The following SPG11 variants were observed in gnomAD, a reference collection of about 807,000 sequenced individuals.
SPG11 encodes the protein SPG11 vesicle trafficking associated, spatacsin.
A neutral mutation model predicts 274.0 loss-of-function variants in SPG11; 222 were observed. The observed-to-expected ratio is 0.81, with a 90% CI of 0.73 to 0.91. SPG11 has a LOEUF of 0.91. Ranked by LOEUF, SPG11 falls within the 40% of genes least tolerant of loss-of-function variation. The pLI is 0.00. For synonymous variants in SPG11, 1,144 were observed against 1,039.7 expected (o/e 1.10, Z -1.93); for missense variants, 3,114 against 2,872.7 (o/e 1.08, Z -1.92).
intron 23 of SPG11, 165 bp from the exon 24 acceptor site, chr15:44,597,108 T>TTA: frequency 4.9e-6 from 3 of 609,604 alleles, no homozygotes; most frequent in Admixed American, 3.1e-5. Context: ...AAAAAGTAGA[T>TTA]TCTTTTTTTT....
Position 44,622,690 on chromosome 15 carries a change from C to A in SPG11, c.2316+38G>T, listed in dbSNP as rs774661029. ...CTTCCAAGTTTTTCACCCAGGCTTT[C>A]TAGAAAATGTATACTATGTAGTCTC... is the stretch of plus-strand genomic sequence containing the variant. On this transcript the variant is annotated intron_variant, in intron 12 of 39. Coordinates refer to ENST00000261866, the MANE Select transcript of SPG11 (RefSeq NM_025137.4). 8.6e-6 allele frequency: 13 copies of A among 1,519,076 alleles called. No homozygotes were observed. In the South Asian group the frequency reaches 1.5e-4, roughly 17 times the overall value. The allele number at this position is 1,519,076 out of a possible 1,614,324, so 94.1% of individuals were successfully genotyped here.
chr15:44,649,143 G>A, intron 6 of SPG11, 132 bp from the exon 7 acceptor site: 1 of 740,098 alleles, frequency 1.4e-6, no homozygotes, highest in South Asian at 1.8e-5. Context: ...TGGATATCAT[G>A]TACTATAATG....
intron 27 of SPG11, 39 bp from the exon 28 acceptor site, chr15:44,589,453 A>T (rs1567143128): frequency 6.2e-7 from 1 of 1,613,032 alleles, no homozygotes; most frequent in Non-Finnish European, 8.5e-7. Flanking sequence ...AAGCAGTTTC[A>T]TGAGAATAGC....
intron 1 of SPG11, among the ~76,000 whole-genome samples, chr15:44,662,067 T>C (rs1340031350): frequency 6.6e-6 from 1 of 152,188 alleles, no homozygotes; most frequent in Non-Finnish European, 1.5e-5. Context: ...CTTTGCCCCA[T>C]TCCTCTCTTT....
intron 30 of SPG11, among the ~76,000 whole-genome samples, chr15:44,576,510 G>A (rs917691024): frequency 2.0e-5 from 3 of 151,708 alleles, no homozygotes; most frequent in South Asian, 2.1e-4. Context: ...TTAGCTGGAC[G>A]TGGTGGCGGG....
At chr15:44,633,358 AAAAAGAAAG>A in intron 8 of SPG11, 138 bp downstream of exon 8, 1 of 354,302 alleles carries the variant, frequency 2.8e-6, no homozygotes, top group Admixed American at 4.7e-5. Flanking sequence ...AAAAAAAAAA[AAAAAGAAAG>A]TTTCCAAAAA....
intron 19 of SPG11, among the ~76,000 whole-genome samples, chr15:44,608,241 C>T (rs2083372091): frequency 1.3e-5 from 2 of 152,122 alleles, no homozygotes; most frequent in South Asian, 4.1e-4. Context: ...TTGCATTGTT[C>T]TTGCAGCCTT....
At chr15:44,597,127 T>TC in intron 23 of SPG11, 184 bp from the exon 24 acceptor site, 1 of 615,094 alleles carries the variant, frequency 1.6e-6, no homozygotes, top group South Asian at 2.0e-5. Context: ...TTTTTTTTTT[T>TC]TTTGAGACAG....
intron 30 of SPG11, among the ~76,000 whole-genome samples, chr15:44,577,240 T>G (rs558378258): frequency 6.6e-6 from 1 of 152,234 alleles, no homozygotes; most frequent in Non-Finnish European, 1.5e-5. Context: ...TGGTGGCTCA[T>G]GCCTGTAATC....
chr15:44,658,478 A>G (rs2085003936), intron 3 of SPG11, among the ~76,000 whole-genome samples: 1 of 150,140 alleles, frequency 6.7e-6, no homozygotes. Flanking sequence ...TTTTTTTTTA[A>G]GACAGAGTCT....
At chr15:44,598,985 C>A in intron 21 of SPG11, 149 bp from the exon 22 acceptor site, 2 of 783,112 alleles carry the variant, frequency 2.6e-6, no homozygotes, top group Non-Finnish European at 4.3e-6. Context: ...TGCACATACC[C>A]GTTTAGGTTC....
chr15:44,590,157 T>C (rs1423937598), intron 27 of SPG11, among the ~76,000 whole-genome samples: 2 of 152,226 alleles, frequency 1.3e-5, no homozygotes, highest in African/African-American at 4.8e-5. Flanking sequence ...TCCAGAGGAT[T>C]TTAAATTCAC....
At chr15:44,565,779 C>G in intron 38 of SPG11, 75 bp downstream of exon 38, 1 of 1,581,020 alleles carries the variant, frequency 6.3e-7, no homozygotes, top group South Asian at 1.1e-5. Flanking sequence ...TGAGACCTTA[C>G]CTCTGGGTTC....
intron 7 of SPG11, among the ~76,000 whole-genome samples, chr15:44,637,220 C>A (rs187656387): frequency 6.6e-6 from 1 of 152,140 alleles, no homozygotes; most frequent in Non-Finnish European, 1.5e-5. Context: ...AATGTACCAA[C>A]GTCTCATAGT....
In SPG11 at chr15:44,573,632, G is replaced by A. The variant is rs145602015; in HGVS notation, c.6120C>T (p.Ser2040=). The A allele has an allele frequency of 1.9e-6, 3 of 1,614,066 alleles. No homozygotes were observed. Among genetic ancestry groups the A allele is most frequent in the African/African-American group, 1.3e-5 (1 of 74,920 alleles). The stretch of plus-strand genomic sequence containing the variant: ...CAGTATCTGGCTTAAGGCCCTGTGT[G>A]CTGATGAAGGCCTGGGCTCGTTTGC... ...DRCKRAQAFI[S]TQGLKPDTVA... The change falls in exon 32 of 40, where the codon AGC becomes AGT. Residue 2040 remains serine, a synonymous_variant. Coordinates refer to ENST00000261866, the MANE Select transcript of SPG11 (RefSeq NM_025137.4).
In SPG11 at chr15:44,583,999, G is replaced by C. The variant is rs1236033583; in HGVS notation, c.5681C>G (p.Ala1894Gly). 6.2e-7 allele frequency: 1 copy of C among 1,614,080 alleles called. No homozygotes were observed. The highest frequency in any genetic ancestry group is 1.3e-5 in the African/African-American group (1 of 74,926). Residue 1894 changes from alanine (A) to glycine (G), a missense_variant, in exon 30 of 40, where the codon GCA becomes GGA. Ala to Gly is a moderately conservative substitution (Grantham distance 60). Transcript: ENST00000261866. ...RLLDDGCVHEASRVCRYFHFY... is the reference protein window; with the variant it reads ...RLLDDGCVHEGSRVCRYFHFY... ...ATGAAAATACCGGCATACTCTACTT[G>C]CTTCATGCACACAGCCATCATCCAG... is the stretch of plus-strand genomic sequence containing the variant.
intron 27 of SPG11, among the ~76,000 whole-genome samples, chr15:44,591,111 C>T (rs1004890645): frequency 1.3e-5 from 2 of 152,208 alleles, no homozygotes; most frequent in Admixed American, 6.5e-5. Flanking sequence ...TCATCCTCTT[C>T]TCTTAAATTC....
At chr15:44,653,094 C>T (rs1431437017) in intron 4 of SPG11, among the ~76,000 whole-genome samples, 1 of 151,882 alleles carries the variant, frequency 6.6e-6, no homozygotes, top group East Asian at 1.9e-4. Flanking sequence ...GGCTAATGTA[C>T]AGAAAATGAG....
At chr15:44,567,913 A>G (rs746170626) in intron 35 of SPG11, among the ~76,000 whole-genome samples, 3 of 152,226 alleles carry the variant, frequency 2.0e-5, no homozygotes, top group Non-Finnish European at 2.9e-5. Flanking sequence ...TGAATGTAAC[A>G]GGGATATTTA....
Sources: allele counts gnomAD v4.1 joint callset (sites outside exome capture counted in the v4.1 genomes callset), GRCh38; gene constraint gnomAD v4.1.1; transcripts MANE v1.5; gene names NCBI Gene and HGNC (gene_info 2026-07-23, HGNC 2026-07-21).